The following DLGAP2 variants were observed in gnomAD, a reference collection of about 807,000 sequenced individuals.
DLGAP2 encodes disks large-associated protein 2.
A neutral mutation model predicts 100.3 loss-of-function variants in DLGAP2; 26 were observed. The ratio of observed to expected loss-of-function variants is 0.26; its 90% CI spans 0.19 to 0.36. The LOEUF (loss-of-function observed/expected upper bound fraction) is 0.36. DLGAP2 is among the 10% of genes least tolerant of loss of function. The pLI is 1.00. For synonymous variants in DLGAP2, 886 were observed against 630.1 expected, an observed-to-expected ratio of 1.41 and a Z score of -6.08; for missense variants, 1,858 against 1,453.2, an observed-to-expected ratio of 1.28 and a Z score of -4.53.
chr8:1,370,525 T>A (rs1278395664), intron 3 of DLGAP2, among the ~76,000 whole-genome samples: 1 of 152,232 alleles, frequency 6.6e-6, no homozygotes, highest in Non-Finnish European at 1.5e-5. Flanking sequence ...CAAGTCACAT[T>A]TCTTTTGTGT....
chr8:1,463,982 G>T (rs2130166222), intron 3 of DLGAP2, among the ~76,000 whole-genome samples: 1 of 152,364 alleles, frequency 6.6e-6, no homozygotes, highest in Admixed American at 6.5e-5. Context: ...AACAACTGAG[G>T]AAGGAGCTGA....
At chr8:1,485,191 C>T (rs886230024) in intron 3 of DLGAP2, among the ~76,000 whole-genome samples, 15 of 152,192 alleles carry the variant, frequency 9.9e-5, no homozygotes, top group African/African-American at 3.1e-4. Flanking sequence ...TTTTTATCTT[C>T]CTTTCCTCTC....
chr8:1,144,101 GA>G (rs1336841860), intron 2 of DLGAP2, among the ~76,000 whole-genome samples: 1 of 152,198 alleles, frequency 6.6e-6, no homozygotes, highest in Non-Finnish European at 1.5e-5. Context: ...AGAATGTGAG[GA>G]ATGATATCGA....
intron 3 of DLGAP2, among the ~76,000 whole-genome samples, chr8:1,467,827 G>A (rs915688785): frequency 1.9e-4 from 29 of 152,192 alleles, no homozygotes; most frequent in Non-Finnish European, 3.4e-4. Context: ...CTGCTGCAGG[G>A]GTGGCGCCAG....
At chr8:981,570 C>T (rs1414085330) in intron 2 of DLGAP2, among the ~76,000 whole-genome samples, 6 of 152,164 alleles carry the variant, frequency 3.9e-5, no homozygotes, top group Admixed American at 3.3e-4. Context: ...AGTTTCTCTG[C>T]ATCCTCTCCG....
chr8:1,442,896 C>G (rs1417479128), intron 3 of DLGAP2, among the ~76,000 whole-genome samples: 2 of 152,250 alleles, frequency 1.3e-5, no homozygotes, highest in African/African-American at 2.4e-5. Context: ...CTGAGTCTAG[C>G]TATTTGTATG....
chr8:1,382,239 A>G (rs1165012526), intron 3 of DLGAP2, among the ~76,000 whole-genome samples: 2 of 152,252 alleles, frequency 1.3e-5, no homozygotes, highest in African/African-American at 4.8e-5. Context: ...ATCATAAAAT[A>G]CATGTACTGT....
chr8:1,259,874 A>T (rs1273857462), intron 3 of DLGAP2: 1 of 152,254 alleles, frequency 6.6e-6, no homozygotes, highest in Admixed American at 6.5e-5. Flanking sequence ...GGTTAAGGGA[A>T]GTATGACAAG....
intron 2 of DLGAP2, among the ~76,000 whole-genome samples, chr8:994,822 G>T (rs562624354): frequency 1.3e-5 from 2 of 152,292 alleles, no homozygotes; most frequent in South Asian, 4.1e-4. Flanking sequence ...TATCACAGCA[G>T]ACGAAGAGTC....
intron 2 of DLGAP2, among the ~76,000 whole-genome samples, chr8:1,220,513 G>A (rs1432973041): frequency 1.3e-5 from 2 of 152,134 alleles, no homozygotes; most frequent in Non-Finnish European, 2.9e-5. Flanking sequence ...GAGAATGGCT[G>A]TATGGCCAAG....
At chr8:752,566 G>A (rs981254424) in intron 1 of DLGAP2, among the ~76,000 whole-genome samples, 1 of 152,218 alleles carries the variant, frequency 6.6e-6, no homozygotes, top group Non-Finnish European at 1.5e-5. Flanking sequence ...TGTGGAGTCA[G>A]AAGGAGGGGA....
At chr8:1,293,863 TA>T (rs1353259839) in intron 3 of DLGAP2, among the ~76,000 whole-genome samples, 2 of 152,228 alleles carry the variant, frequency 1.3e-5, no homozygotes, top group Non-Finnish European at 1.5e-5. Flanking sequence ...GCAATATATT[TA>T]AAAAATAGTT....
In DLGAP2 at chr8:1,685,588, G is replaced by A. The variant is rs1563062382; in HGVS notation, c.2705-5947G>A. Among the ~76,000 whole-genome samples, 3 of 152,104 alleles carry A rather than the reference G, an allele frequency of 2.0e-5. No homozygotes were observed. The South Asian group carries it at 6.2e-4, about 31-fold the overall frequency. On this transcript the variant is annotated intron_variant, in intron 12 of 14. Coordinates refer to ENST00000637795, the MANE Select transcript of DLGAP2 (RefSeq NM_001346810.2). ...CAACTAAATGGTCATGGGGAAATCA[G>A]ACAATAAAAAGACATGGATGCTTGT... is the stretch of plus-strand genomic sequence containing the variant.
intron 4 of DLGAP2, among the ~76,000 whole-genome samples, chr8:1,528,881 T>C (rs1468953212): frequency 6.7e-6 from 1 of 148,152 alleles, no homozygotes; most frequent in Non-Finnish European, 1.5e-5. Flanking sequence ...AGGCAGAAAA[T>C]AGTGATGCTC....
At chr8:1,422,155 C>T (rs1270369868) in intron 3 of DLGAP2, among the ~76,000 whole-genome samples, 1 of 152,140 alleles carries the variant, frequency 6.6e-6, no homozygotes, top group African/African-American at 2.4e-5. Context: ...GACCACATGG[C>T]TGAGTCGCGA....
intron 3 of DLGAP2, among the ~76,000 whole-genome samples, chr8:1,467,709 G>A (rs765258795): frequency 7.9e-5 from 12 of 152,280 alleles, no homozygotes; most frequent in East Asian, 3.9e-4. Flanking sequence ...TAAAGGGAGC[G>A]TGGCCTGGCT....
In DLGAP2 at chr8:1,183,026, G is replaced by T. The variant is rs78851889; in HGVS notation, c.74-75825G>T. On this transcript the variant is annotated intron_variant, in intron 2 of 14. Coordinates refer to ENST00000637795, the MANE Select transcript of DLGAP2 (RefSeq NM_001346810.2). The stretch of plus-strand genomic sequence containing the variant: ...GGAAGTGTGTCACTGCCAGTGCGGG[G>T]AACGTGAGATTTACTCACCCAGCAG... Among the ~76,000 whole-genome samples the T allele has an allele frequency of 4.2e-3, 643 of 152,314 alleles. 1 individual carries two copies. Among genetic ancestry groups the T allele is most frequent in the African/African-American group, 0.015 (620 of 41,570 alleles).
intron 2 of DLGAP2, among the ~76,000 whole-genome samples, chr8:917,785 T>C (rs1196624329): frequency 6.6e-6 from 1 of 152,102 alleles, no homozygotes; most frequent in East Asian, 1.9e-4. Context: ...TTCACCGTGT[T>C]GGCCAGGATG....
intron 3 of DLGAP2, among the ~76,000 whole-genome samples, chr8:1,304,924 G>A (rs760185487): frequency 5.9e-5 from 9 of 152,160 alleles, no homozygotes; most frequent in Non-Finnish European, 1.3e-4. Context: ...CATGCATATC[G>A]TGCATAAGGT....
Sources: allele counts gnomAD v4.1 joint callset (sites outside exome capture counted in the v4.1 genomes callset), GRCh38; gene constraint gnomAD v4.1.1; transcripts MANE v1.5; gene names NCBI Gene and HGNC (gene_info 2026-07-23, HGNC 2026-07-21).